AGBL1: variants seen among roughly 807,000 people sequenced by gnomAD.
AGBL1 encodes cytosolic carboxypeptidase 4.
AGBL1 carries 130 observed loss-of-function variants against 118.9 expected under a neutral mutation model. The ratio of observed to expected loss-of-function variants is 1.09; its 90% CI spans 0.95 to 1.26. The LOEUF is 1.26. AGBL1 is among the 50% of genes most tolerant of loss of function. AGBL1 has a pLI of 0.00. For missense variants in AGBL1, 1,584 were observed against 1,298.1 expected (o/e 1.22, Z -3.38); for synonymous variants, 555 against 478.9 (o/e 1.16, Z -2.08).
At chr15:86,456,407 A>G (rs560543153) in intron 18 of AGBL1, among the ~76,000 whole-genome samples, 3 of 152,194 alleles carry the variant, frequency 2.0e-5, no homozygotes, top group Non-Finnish European at 4.4e-5. Context: ...CTTCAATTCA[A>G]TAGTTAAAGG....
intron 22 of AGBL1, among the ~76,000 whole-genome samples, chr15:86,877,084 T>C (rs1324279659): frequency 6.6e-6 from 1 of 152,144 alleles, no homozygotes; most frequent in Non-Finnish European, 1.5e-5. Flanking sequence ...CTCAGATCCA[T>C]ATAAGATAGG....
intron 22 of AGBL1, among the ~76,000 whole-genome samples, chr15:86,797,783 A>G (rs74320506): frequency 0.016 from 2,416 of 152,292 alleles, 26 homozygotes; most frequent in Non-Finnish European, 0.023. Context: ...TGGAAAGGGA[A>G]GGACTTGGAA....
At chr15:86,131,570 A>G (rs187536548) in intron 1 of AGBL1, among the ~76,000 whole-genome samples, 22 of 152,300 alleles carry the variant, frequency 1.4e-4, no homozygotes, top group African/African-American at 4.1e-4. Context: ...AAGAATAATG[A>G]TATCTAAATT....
intron 22 of AGBL1, among the ~76,000 whole-genome samples, chr15:86,735,430 C>G (rs974878477): frequency 1.3e-4 from 20 of 152,052 alleles, no homozygotes; most frequent in African/African-American, 4.3e-4. Context: ...TAAAAACACA[C>G]ACACATTAAT....
intron 23 of AGBL1, among the ~76,000 whole-genome samples, chr15:86,949,653 T>C (rs775920032): frequency 6.6e-6 from 1 of 152,130 alleles, no homozygotes; most frequent in Admixed American, 6.5e-5. Flanking sequence ...ACTGCTAATG[T>C]TTTATGTGTA....
At chr15:87,018,015 T>C (rs967255253) in intron 24 of AGBL1, among the ~76,000 whole-genome samples, 2 of 132,944 alleles carry the variant, frequency 1.5e-5, no homozygotes, top group East Asian at 1.9e-4. Flanking sequence ...CAAGTATCAA[T>C]AGCAGAATCT....
intron 18 of AGBL1, among the ~76,000 whole-genome samples, chr15:86,497,287 C>G (rs529225552): frequency 9.2e-5 from 14 of 152,026 alleles, no homozygotes; most frequent in African/African-American, 3.4e-4. Flanking sequence ...TACAAGAATT[C>G]TAAACCTCAT....
At chr15:86,548,830 T>G (rs2083624633) in intron 20 of AGBL1, among the ~76,000 whole-genome samples, 1 of 151,968 alleles carries the variant, frequency 6.6e-6, no homozygotes, top group Non-Finnish European at 1.5e-5. Context: ...GAAAAGAGGT[T>G]TAATTGGCTC....
At chr15:86,496,675 T>C (rs2082859259) in intron 18 of AGBL1, among the ~76,000 whole-genome samples, 1 of 152,006 alleles carries the variant, frequency 6.6e-6, no homozygotes, top group Non-Finnish European at 1.5e-5. Context: ...TTTTGCCAGT[T>C]TGGAAGCTAC....
intron 22 of AGBL1, among the ~76,000 whole-genome samples, chr15:86,827,938 C>CTGTTTTTTTTTTTTTTTTTT (rs2079052594): frequency 1.2e-4 from 2 of 16,760 alleles, no homozygotes; most frequent in Non-Finnish European, 2.3e-4. Context: ...TGATGTAGGG[C>CTGTTTTTTTTTTTTTTTTTT]TTTTTTTTTT....
At chr15:86,163,492 C>G (rs564687741) in intron 5 of AGBL1, among the ~76,000 whole-genome samples, 4 of 152,262 alleles carry the variant, frequency 2.6e-5, no homozygotes, top group South Asian at 2.1e-4. Flanking sequence ...CTTTGGGAGG[C>G]TGAGGTGGGT....
chr15:86,332,477 T>G (rs1361306471), intron 17 of AGBL1, among the ~76,000 whole-genome samples: 1 of 151,854 alleles, frequency 6.6e-6, no homozygotes, highest in Non-Finnish European at 1.5e-5. Context: ...AAACCCTGTC[T>G]CTACTAAAAA....
At chr15:86,138,596 T>A (rs925644831) in intron 1 of AGBL1, among the ~76,000 whole-genome samples, 6 of 152,250 alleles carry the variant, frequency 3.9e-5, no homozygotes, top group African/African-American at 1.4e-4. Context: ...AATGCATGAA[T>A]CATTGAATGA....
chr15:86,733,268 T>G (rs2077551036), intron 22 of AGBL1, among the ~76,000 whole-genome samples: 1 of 152,118 alleles, frequency 6.6e-6, no homozygotes, highest in African/African-American at 2.4e-5. Flanking sequence ...GCACAGAATC[T>G]GAAGACCCAA....
At chr15:86,663,694 A>G (rs2142522258) in intron 21 of AGBL1, among the ~76,000 whole-genome samples, 1 of 152,250 alleles carries the variant, frequency 6.6e-6, no homozygotes, top group East Asian at 1.9e-4. Context: ...TTTATAAGAA[A>G]GACTGACCTC....
At chr15:86,763,393 T>A (rs1190027460) in intron 22 of AGBL1, among the ~76,000 whole-genome samples, 1 of 151,894 alleles carries the variant, frequency 6.6e-6, no homozygotes, top group Non-Finnish European at 1.5e-5. Flanking sequence ...CAGTAGAAAA[T>A]GTTGATAATT....
chr15:86,674,080 G>A (rs1220656257), intron 21 of AGBL1, among the ~76,000 whole-genome samples, 193 bp from the exon 22 acceptor site: 5 of 151,974 alleles, frequency 3.3e-5, no homozygotes, highest in Non-Finnish European at 5.9e-5. Context: ...CCTGGATGTC[G>A]ACATCACACA....
intron 15 of AGBL1, among the ~76,000 whole-genome samples, chr15:86,278,148 A>C (rs1327994872): frequency 1.3e-5 from 2 of 152,230 alleles, no homozygotes. Context: ...ACTTTGGGGC[A>C]ATCTGGCAAA....
intron 17 of AGBL1, among the ~76,000 whole-genome samples, chr15:86,355,060 A>C (rs2080691618): frequency 6.6e-6 from 1 of 152,170 alleles, no homozygotes; most frequent in Non-Finnish European, 1.5e-5. Flanking sequence ...AGGCCAAAGA[A>C]GATTCTCCAC....
Sources: allele counts gnomAD v4.1 joint callset (sites outside exome capture counted in the v4.1 genomes callset), GRCh38; gene constraint gnomAD v4.1.1; transcripts MANE v1.5; gene names NCBI Gene and HGNC (gene_info 2026-07-23, HGNC 2026-07-21).